HCN1: variants seen among roughly 807,000 people sequenced by gnomAD.
The protein encoded by HCN1 is potassium/sodium hyperpolarization-activated cyclic nucleotide-gated channel 1.
HCN1 carries 13 observed loss-of-function variants against 78.9 expected under a neutral mutation model. That is an observed-to-expected ratio of 0.16 (90% CI 0.11 to 0.26). The LOEUF is 0.26. HCN1 is among the 10% of genes least tolerant of loss of function. The pLI, the probability that HCN1 is intolerant of heterozygous loss-of-function variation, is 1.00. For synonymous variants in HCN1, 552 were observed against 455.5 expected (o/e 1.21, Z -2.70); for missense variants, 810 against 1,154.3 (o/e 0.70, Z 4.32).
intron 4 of HCN1, among the ~76,000 whole-genome samples, chr5:45,356,233 G>C (rs1579836881): frequency 6.6e-6 from 1 of 151,868 alleles, no homozygotes; most frequent in Non-Finnish European, 1.5e-5. Flanking sequence ...CAGACAAATA[G>C]ATTTTTGAAA....
At position 45,503,509 on chromosome 5, in the gene HCN1, T is replaced by C. The variant is rs1742232145; in HGVS notation, c.850-41502A>G. On this transcript the variant is annotated intron_variant, in intron 2 of 7. Coordinates refer to ENST00000303230, the MANE Select transcript of HCN1 (RefSeq NM_021072.4). Reference sequence around the variant, plus strand: ...TAATTAGAAAAAAGCTTTAAATTTTTTGAAGAAAGACAATCCAAAAATTTT... The same window carrying C: ...TAATTAGAAAAAAGCTTTAAATTTTCTGAAGAAAGACAATCCAAAAATTTT... Among the ~76,000 whole-genome samples the C allele has an allele frequency of 1.3e-5, 2 of 152,124 alleles. 1 individual carries two copies. Among genetic ancestry groups the C allele is most frequent in the South Asian group, 4.1e-4 (2 of 4,828 alleles).
Position 45,603,130 on chromosome 5 carries a change from A to T in HCN1, c.849+42055T>A, listed in dbSNP as rs940331791. Among the ~76,000 whole-genome samples, 3 of 152,074 alleles carry T rather than the reference A, an allele frequency of 2.0e-5. No individual in the cohort carries two copies. The East Asian group carries it at 5.8e-4, about 29-fold the overall frequency. On this transcript the variant is annotated intron_variant, in intron 2 of 7. Transcript: ENST00000303230. ...TTTAGGAGTTTAGGAAGGCAGGAAA[A>T]CACAACCTATAATATTGTAGGTGAT... is the stretch of plus-strand genomic sequence containing the variant.
intron 1 of HCN1, among the ~76,000 whole-genome samples, chr5:45,653,510 G>A (rs1745715379): frequency 6.6e-6 from 1 of 151,858 alleles, no homozygotes; most frequent in Non-Finnish European, 1.5e-5. Context: ...AAATTGCCTA[G>A]CAAATAGTAT....
chr5:45,472,657 G>GC lies in HCN1; in HGVS notation c.850-10651_850-10650insG, dbSNP rs1741416230. On this transcript the variant is annotated intron_variant, in intron 2 of 7. Transcript: ENST00000303230. The stretch of plus-strand genomic sequence containing the variant: ...GGAGGGAGGGAGGGAGAAAGGAGAG[G>GC]GGGGAGATCCCAGTTCAGAAACATT... 6.4e-5 allele frequency among the ~76,000 whole-genome samples: 8 copies of GC among 124,228 alleles called. No homozygotes were observed. The Admixed American group carries it at 6.7e-4, about 10-fold the overall frequency. 81.5% of individuals were successfully genotyped at this position (124,228 alleles called of 152,430 possible). A position where few individuals can be genotyped will look rare whatever the true frequency, so the allele number is the denominator to read the frequency against.
intron 2 of HCN1, among the ~76,000 whole-genome samples, chr5:45,584,250 T>C (rs1351338389): frequency 6.6e-6 from 1 of 152,162 alleles, no homozygotes; most frequent in Non-Finnish European, 1.5e-5. Context: ...TAGTTAGCTC[T>C]TCTTGTTGAA....
intron 3 of HCN1, among the ~76,000 whole-genome samples, chr5:45,434,948 C>A (rs922178987): frequency 6.6e-6 from 1 of 151,968 alleles, no homozygotes; most frequent in Admixed American, 6.6e-5. Flanking sequence ...AGTCATAGAT[C>A]ATCTTTATTT....
At chr5:45,373,269 T>C (rs1257353283) in intron 4 of HCN1, among the ~76,000 whole-genome samples, 1 of 116,258 alleles carries the variant, frequency 8.6e-6, no homozygotes, top group African/African-American at 3.4e-5. Context: ...TTATATATTA[T>C]ATATATTTTA....
At chr5:45,496,321 T>C (rs1004088086) in intron 2 of HCN1, among the ~76,000 whole-genome samples, 1 of 151,890 alleles carries the variant, frequency 6.6e-6, no homozygotes, top group Admixed American at 6.6e-5. Context: ...CTTCCTGGTT[T>C]AGTCTTGGGA....
chr5:45,372,118 TATATTATATATATA>T (rs1274348009), intron 4 of HCN1, among the ~76,000 whole-genome samples: 1 of 56,084 alleles, frequency 1.8e-5, no homozygotes. Flanking sequence ...AATATAATTA[TATATTATATATATA>T]ATATAATAAT....
Position 45,546,911 on chromosome 5 carries a change from C to T in HCN1, c.850-84904G>A, listed in dbSNP as rs562954723. 2.3e-4 allele frequency among the ~76,000 whole-genome samples: 35 copies of T among 151,868 alleles called. No individual in the cohort carries two copies. The East Asian group carries it at 6.8e-3, about 29-fold the overall frequency. On this transcript the variant is annotated intron_variant, in intron 2 of 7. Transcript: ENST00000303230. The stretch of plus-strand genomic sequence containing the variant: ...AGTATTACTTATATTGAACCAAAAT[C>T]CTCTACAGATTTTCAAATGTATGTT...
At position 45,303,672 on chromosome 5, in the gene HCN1, A is replaced by G. The variant is rs1298501995; in HGVS notation, c.1545T>C (p.Ile515=). 1.9e-6 allele frequency: 3 copies of G among 1,613,540 alleles called. No individual in the cohort carries two copies. Among genetic ancestry groups the G allele is most frequent in the Non-Finnish European group, 2.5e-6 (3 of 1,179,670 alleles). ...TAATGACACCAGCAACACCGTGTTG[A>G]ATGAAATACATTTTTTTACCCACGG... ...EGAVGKKMYF[I]QHGVAGVITK... Residue 515 remains isoleucine (I), a synonymous_variant, in exon 6 of 8, where the codon ATT becomes ATC. Coordinates refer to ENST00000303230, the MANE Select transcript of HCN1 (RefSeq NM_021072.4).
At chr5:45,626,607 T>G (rs1363456510) in intron 2 of HCN1, among the ~76,000 whole-genome samples, 1 of 152,094 alleles carries the variant, frequency 6.6e-6, no homozygotes, top group Non-Finnish European at 1.5e-5. Context: ...AAGGTTAAGA[T>G]CTGAGCTAAG....
intron 1 of HCN1, among the ~76,000 whole-genome samples, chr5:45,691,921 C>T (rs1407917511): frequency 6.6e-6 from 1 of 152,002 alleles, no homozygotes; most frequent in Non-Finnish European, 1.5e-5. Flanking sequence ...TCCTTGAGTA[C>T]TTACAACAAA....
intron 4 of HCN1, among the ~76,000 whole-genome samples, chr5:45,376,042 A>G (rs1747644325): frequency 8.8e-6 from 1 of 113,424 alleles, no homozygotes; most frequent in Non-Finnish European, 1.6e-5. Context: ...ATAATATTTT[A>G]TAATATATAT....
chr5:45,680,549 T>C (rs1471723157), intron 1 of HCN1, among the ~76,000 whole-genome samples: 1 of 152,168 alleles, frequency 6.6e-6, no homozygotes, highest in East Asian at 1.9e-4. Flanking sequence ...CTGATCCTTC[T>C]GAGACTATGT....
intron 5 of HCN1, among the ~76,000 whole-genome samples, chr5:45,351,812 C>G (rs1460411347): frequency 6.6e-6 from 1 of 151,564 alleles, no homozygotes; most frequent in East Asian, 1.9e-4. Flanking sequence ...AAATGCAAAT[C>G]AAAACCACAA....
intron 2 of HCN1, among the ~76,000 whole-genome samples, chr5:45,489,972 G>A (rs895354164): frequency 2.6e-5 from 4 of 152,128 alleles, no homozygotes; most frequent in African/African-American, 9.7e-5. Context: ...TTTAGTATGA[G>A]TATGCCCCAA....
At chr5:45,620,479 A>T (rs975264316) in intron 2 of HCN1, among the ~76,000 whole-genome samples, 10 of 151,800 alleles carry the variant, frequency 6.6e-5, no homozygotes, top group Non-Finnish European at 1.2e-4. Context: ...TTTCAAATTA[A>T]TTTTTTTAAA....
chr5:45,480,170 A>C (rs1741617544), intron 2 of HCN1: 1 of 152,574 alleles, frequency 6.6e-6, no homozygotes, highest in Admixed American at 6.6e-5. Context: ...GTGAAAGTCC[A>C]CATCACCAAA....
Sources: allele counts gnomAD v4.1 joint callset (sites outside exome capture counted in the v4.1 genomes callset), GRCh38; gene constraint gnomAD v4.1.1; transcripts MANE v1.5; gene names NCBI Gene and HGNC (gene_info 2026-07-23, HGNC 2026-07-21).